Variants in PLEKHA6 observed in about 807,000 individuals in gnomAD.
The protein encoded by PLEKHA6 is pleckstrin homology domain-containing family A member 6.
Under a neutral mutation model 116.7 loss-of-function variants are expected in PLEKHA6, and 60 were observed. That is an observed-to-expected ratio of 0.51 (90% CI 0.42 to 0.64). The LOEUF is 0.64. Among genes scored for constraint, PLEKHA6 ranks in the 30% least tolerant of loss-of-function variants. The pLI, the probability that PLEKHA6 is intolerant of heterozygous loss-of-function variation, is 0.00. For synonymous variants in PLEKHA6, 489 were observed against 556.1 expected, an observed-to-expected ratio of 0.88 and a Z score of 1.70; for missense variants, 1,338 against 1,422.7, an observed-to-expected ratio of 0.94 and a Z score of 0.96.
At chr1:204,287,736 G>A (rs564565493) in intron 1 of PLEKHA6, among the ~76,000 whole-genome samples, 11 of 152,214 alleles carry the variant, frequency 7.2e-5, no homozygotes, top group East Asian at 1.9e-4. Context: ...AAGAGAGGCC[G>A]ACGCTGCTTC....
intron 1 of PLEKHA6, among the ~76,000 whole-genome samples, chr1:204,298,364 A>C (rs989688926): frequency 6.6e-6 from 1 of 152,188 alleles, no homozygotes; most frequent in African/African-American, 2.4e-5. Flanking sequence ...TTGACTCCCT[A>C]GTGTCAAATG....
At chr1:204,264,829 C>G (rs554277887) in intron 6 of PLEKHA6, 113 bp downstream of exon 6, 1 of 818,320 alleles carries the variant, frequency 1.2e-6, no homozygotes, top group Non-Finnish European at 2.1e-6. Context: ...GCTATGGCCA[C>G]CACCACCTGG....
intron 1 of PLEKHA6, among the ~76,000 whole-genome samples, chr1:204,358,670 A>C (rs1673482158): frequency 6.6e-6 from 1 of 151,946 alleles, no homozygotes; most frequent in African/African-American, 2.4e-5. Context: ...CCAATCCCTG[A>C]AGGCTGCAAC....
chr1:204,257,958 A>C lies in PLEKHA6; in HGVS notation c.1008-89T>G. ...CCCACCTCCAGGTCCCCCAGCCTAGAGCAGGGTGCTTGAATAGGTACACAG... is the reference window on the plus strand; with the variant it reads ...CCCACCTCCAGGTCCCCCAGCCTAGCGCAGGGTGCTTGAATAGGTACACAG... On this transcript the variant is annotated intron_variant, in intron 8 of 22. Transcript: ENST00000272203. This position sits in a 1 kb window ranked among gnomAD's most constrained non-coding sequence, Gnocchi z 6.5. The C allele has an allele frequency of 8.0e-7, 1 of 1,242,600 alleles. No homozygotes were observed. Among genetic ancestry groups the C allele is most frequent in the East Asian group, 2.4e-5 (1 of 42,216 alleles). The allele number at this position is 1,242,600 out of a possible 1,614,324, so 77.0% of individuals were successfully genotyped here.
chr1:204,230,446 G>A lies in PLEKHA6; in HGVS notation c.2550C>T (p.Ala850=), dbSNP rs1168135461. The change falls in exon 18 of 23, where the codon GCC becomes GCT. Residue 850 remains alanine, a synonymous_variant. Coordinates refer to ENST00000272203, the MANE Select transcript of PLEKHA6 (RefSeq NM_014935.5). The part of the protein sequence containing the change: ...RRSLQLPASP[A]PDPSPRPAYK... ...AGGCTGGCCGGGGACTGGGGTCGGGGGCCGGGCTGGCCGGGAGCTGCAGGC... is the reference window on the plus strand; with the variant it reads ...AGGCTGGCCGGGGACTGGGGTCGGGAGCCGGGCTGGCCGGGAGCTGCAGGC... The A allele has an allele frequency of 1.3e-6, 2 of 1,581,604 alleles. No homozygotes were observed. Among genetic ancestry groups the A allele is most frequent in the Admixed American group, 1.8e-5 (1 of 54,658 alleles).
chr1:204,315,448 C>G (rs1269010664), intron 1 of PLEKHA6, among the ~76,000 whole-genome samples: 1 of 152,204 alleles, frequency 6.6e-6, no homozygotes, highest in Admixed American at 6.5e-5. Context: ...GGCATTCCTG[C>G]TCTGGCAGCG....
At position 204,259,162 on chromosome 1, in the gene PLEKHA6, G is replaced by T. The variant is rs561324291; in HGVS notation, c.1007+96C>A. ...TCCCAACTCAGCCTGCTTCCAGAAG[G>T]TTTCCAACAGGGGATGCCTCGTGGG... On this transcript the variant is annotated intron_variant, in intron 8 of 22. Transcript: ENST00000272203. The surrounding 1 kb of genome is among the most constrained non-coding windows in gnomAD (Gnocchi z 4.6). 5 of 1,402,488 alleles carry T rather than the reference G, an allele frequency of 3.6e-6. No homozygotes were observed. Among genetic ancestry groups the T allele is most frequent in the African/African-American group, 2.8e-5 (2 of 70,438 alleles). The allele number at this position is 1,402,488 out of a possible 1,614,324, so 86.9% of individuals were successfully genotyped here.
At chr1:204,325,926 G>A (rs1023777295) in intron 1 of PLEKHA6, 1 of 984,168 alleles carries the variant, frequency 1.0e-6, no homozygotes, top group East Asian at 1.1e-4. Context: ...CCGCTGGGCT[G>A]CCATTAACAT....
At chr1:204,244,501 T>A (rs903891271) in intron 15 of PLEKHA6, among the ~76,000 whole-genome samples, 12 of 152,078 alleles carry the variant, frequency 7.9e-5, no homozygotes, top group African/African-American at 2.9e-4. Flanking sequence ...AGAAAACACT[T>A]GCTGATTGAC....
intron 1 of PLEKHA6, chr1:204,309,579 T>C (rs1334666267): frequency 5.1e-6 from 1 of 194,262 alleles, no homozygotes; most frequent in Non-Finnish European, 9.4e-6. Flanking sequence ...CTATACCACC[T>C]GGGCTTGTGT....
chr1:204,315,379 T>A (rs1368185559), intron 1 of PLEKHA6, among the ~76,000 whole-genome samples: 1 of 152,202 alleles, frequency 6.6e-6, no homozygotes, highest in Non-Finnish European at 1.5e-5. Context: ...TATGGCTCCA[T>A]GTGTAAGTTT....
At chr1:204,352,548 C>A (rs1396890957) in intron 1 of PLEKHA6, among the ~76,000 whole-genome samples, 2 of 152,170 alleles carry the variant, frequency 1.3e-5, no homozygotes, top group Non-Finnish European at 2.9e-5. Context: ...TGAGACCCGG[C>A]TTAAGGTTTC....
chr1:204,335,172 C>G (rs1247348381), intron 1 of PLEKHA6, among the ~76,000 whole-genome samples: 2 of 152,102 alleles, frequency 1.3e-5, no homozygotes, highest in South Asian at 2.1e-4. Context: ...TTTCCTTCCC[C>G]TTGGCCTCCC....
intron 1 of PLEKHA6, among the ~76,000 whole-genome samples, chr1:204,310,783 A>G (rs1189675721): frequency 6.6e-6 from 1 of 152,238 alleles, no homozygotes; most frequent in Admixed American, 6.5e-5. Flanking sequence ...AATAAAAGCT[A>G]GTTCTGAGAC....
chr1:204,252,114 G>A (rs1664655214), intron 9 of PLEKHA6, among the ~76,000 whole-genome samples: 2 of 148,388 alleles, frequency 1.3e-5, no homozygotes, highest in South Asian at 2.3e-4. Context: ...CCCCACCCTC[G>A]GCTCTAGTGC....
Position 204,228,163 on chromosome 1 carries a change from T to G in PLEKHA6, c.2951A>C (p.Gln984Pro). Residue 984 changes from glutamine to proline, a missense_variant, in exon 21 of 23, where the codon CAG becomes CCG. Coordinates refer to ENST00000272203, the MANE Select transcript of PLEKHA6 (RefSeq NM_014935.5). The surrounding 1 kb of genome is among the most constrained non-coding windows in gnomAD (Gnocchi z 4.0). The part of the protein sequence containing the change: ...SVDVPQDSES[Q>P]LQEQEKRIEI... ...AATCCGCTTCTCCTGCTCCTGCAGC[T>G]GGCTCTCTGAGTCCTGGGGCACGTC... 1.2e-6 allele frequency: 2 copies of G among 1,613,500 alleles called. No individual in the cohort carries two copies. Among genetic ancestry groups the G allele is most frequent in the Non-Finnish European group, 1.7e-6 (2 of 1,179,608 alleles).
chr1:204,297,324 C>G, intron 1 of PLEKHA6: 1 of 497,148 alleles, frequency 2.0e-6, no homozygotes, highest in Non-Finnish European at 2.6e-6. Flanking sequence ...CCTCGTCCCC[C>G]TTTAAGTTTT....
intron 12 of PLEKHA6, 23 bp from the exon 13 acceptor site, chr1:204,247,483 CT>C (rs750506577): frequency 1.2e-5 from 18 of 1,498,892 alleles, no homozygotes; most frequent in South Asian, 7.9e-5. Context: ...GAGGCGTTCA[CT>C]GAGAAAGCCG....
intron 17 of PLEKHA6, among the ~76,000 whole-genome samples, chr1:204,232,514 T>C (rs1026620948): frequency 6.6e-6 from 1 of 152,186 alleles, no homozygotes; most frequent in African/African-American, 2.4e-5. Context: ...CTAGAATGGA[T>C]ACCCTTGAAA....
Sources: gnomAD v4.1 joint callset for allele counts (sites outside exome capture counted in the v4.1 genomes callset) on GRCh38, gnomAD v4.1.1 for gene constraint, Gnocchi (gnomAD v3.1) non-coding constraint, MANE v1.5 for transcripts, NCBI Gene and HGNC (gene_info 2026-07-23, HGNC 2026-07-21) for gene names.